SERPINE3: variants seen among roughly 807,000 people sequenced by gnomAD.
The protein encoded by SERPINE3 is serpin family E member 3, also known as serpin E3.
SERPINE3 carries 43 observed loss-of-function variants against 41.7 expected under a neutral mutation model. The observed-to-expected ratio is 1.03, with a 90% CI of 0.81 to 1.33. The LOEUF is 1.33. Among genes scored for constraint, SERPINE3 ranks in the 40% most tolerant of loss-of-function variants. The pLI is 0.00. For missense variants in SERPINE3, 440 were observed against 491.7 expected, an observed-to-expected ratio of 0.89 and a Z score of 0.99; for synonymous variants, 200 against 192.2, an observed-to-expected ratio of 1.04 and a Z score of -0.34.
chr13:51,359,374 C>T (rs1359607059), intron 7 of SERPINE3, among the ~76,000 whole-genome samples: 1 of 152,108 alleles, frequency 6.6e-6, no homozygotes, highest in African/African-American at 2.4e-5. Context: ...GAAATGTCAA[C>T]TCTTACCAGA....
intron 6 of SERPINE3, among the ~76,000 whole-genome samples, chr13:51,348,952 C>T (rs1253859913): frequency 6.8e-6 from 1 of 146,996 alleles, no homozygotes; most frequent in African/African-American, 2.6e-5. Flanking sequence ...TGGAGGTGAA[C>T]TCTCCTTTAA....
rs1031505746 is a variant in SERPINE3 at position 51,360,527 on chromosome 13, TTAA to T, written c.1001-749_1001-747del. ...CATCTTTGGAGCTGTTTAAAAATGG[TTAA>T]TGATTAGCTTACAAAAATCAGCCAA... On this transcript the variant is annotated intron_variant, in intron 7 of 9. Coordinates refer to ENST00000681248, the MANE Select transcript of SERPINE3 (RefSeq NM_001386375.1). Among the ~76,000 whole-genome samples the T allele has an allele frequency of 1.7e-3, 259 of 152,202 alleles. 2 individuals carry two copies. The highest frequency in any genetic ancestry group is 6.0e-3 in the African/African-American group (250 of 41,552).
At chr13:51,340,272 T>G (rs984939907) in intron 1 of SERPINE3, among the ~76,000 whole-genome samples, 1 of 152,156 alleles carries the variant, frequency 6.6e-6, no homozygotes, top group African/African-American at 2.4e-5. Flanking sequence ...GTTGAAAACA[T>G]TTTTTTACTT....
chr13:51,355,224 T>TCCACAGAGCCTTCAGTGGTAAACAAG, intron 7 of SERPINE3, 81 bp downstream of exon 7: 1 of 623,516 alleles, frequency 1.6e-6, no homozygotes, highest in Admixed American at 3.1e-5. Context: ...GATTCTCATT[T>TCCACAGAGCCTTCAGTGGTAAACAAG]CAGAGTCAAC....
chr13:51,354,628 T>G (rs1955452584), intron 6 of SERPINE3, among the ~76,000 whole-genome samples: 1 of 150,236 alleles, frequency 6.7e-6, no homozygotes, highest in African/African-American at 2.4e-5. Context: ...TGAATTGGGA[T>G]AGCCACTTTT....
In SERPINE3 at chr13:51,362,138, T is replaced by A. The variant is rs936757272; in HGVS notation, c.1171+245T>A. On this transcript the variant is annotated intron_variant, in intron 9 of 9. Transcript: ENST00000681248. ...TCAGCTCATATATAGTTAATGTAGATTTTTTTTTTTAATGCTATAGGTTTC... is the reference window on the plus strand; with the variant it reads ...TCAGCTCATATATAGTTAATGTAGAATTTTTTTTTTAATGCTATAGGTTTC... 1,150 of 712,454 alleles carry A rather than the reference T, an allele frequency of 1.6e-3. 3 individuals carry two copies. The highest frequency in any genetic ancestry group is 2.5e-3 in the South Asian group (61 of 24,532). 44.1% of individuals were successfully genotyped at this position (712,454 alleles called of 1,614,324 possible). A position where few individuals can be genotyped will look rare whatever the true frequency, so the allele number is the denominator to read the frequency against.
At chr13:51,345,180 A>G (rs1955333508) in intron 4 of SERPINE3, among the ~76,000 whole-genome samples, 1 of 152,150 alleles carries the variant, frequency 6.6e-6, no homozygotes. Flanking sequence ...TACTCTCCCC[A>G]TTCTATAAAT....
At chr13:51,362,916 A>C (rs1200593763) in intron 9 of SERPINE3, 1 of 152,274 alleles carries the variant, frequency 6.6e-6, no homozygotes, top group African/African-American at 2.4e-5. Context: ...TCAACAGAGT[A>C]TGTCTTCCTA....
intron 7 of SERPINE3, among the ~76,000 whole-genome samples, chr13:51,359,260 A>G (rs1955525045): frequency 1.3e-5 from 2 of 152,108 alleles, no homozygotes; most frequent in Admixed American, 6.6e-5. Context: ...TAGCTACTCA[A>G]TAAAAAATAA....
intron 6 of SERPINE3, among the ~76,000 whole-genome samples, chr13:51,351,649 A>T (rs149711585): frequency 6.6e-6 from 1 of 152,004 alleles, no homozygotes; most frequent in Non-Finnish European, 1.5e-5. Context: ...AGCTCAATTA[A>T]TCTATGTTTT....
chr13:51,361,462 C>T, intron 8 of SERPINE3, 98 bp downstream of exon 8: 1 of 804,166 alleles, frequency 1.2e-6, no homozygotes, highest in Non-Finnish European at 2.1e-6. Context: ...TTCCATAACC[C>T]CCAAGTTCAG....
intron 6 of SERPINE3, among the ~76,000 whole-genome samples, chr13:51,349,120 A>C (rs539257149): frequency 6.6e-6 from 1 of 152,366 alleles, no homozygotes; most frequent in East Asian, 1.9e-4. Context: ...ATTTGAAATC[A>C]GAGTAAATTT....
At chr13:51,344,944 G>A (rs1297666460) in intron 4 of SERPINE3, among the ~76,000 whole-genome samples, 2 of 152,128 alleles carry the variant, frequency 1.3e-5, no homozygotes, top group South Asian at 4.1e-4. Context: ...ACAATAAGAT[G>A]TTTAGCTCAG....
chr13:51,347,211 A>T lies in SERPINE3; in HGVS notation c.677A>T (p.His226Leu), dbSNP rs754241963. The T allele has an allele frequency of 3.3e-5, 53 of 1,613,724 alleles. No individual in the cohort carries two copies. Among genetic ancestry groups the T allele is most frequent in the Non-Finnish European group, 4.3e-5 (51 of 1,179,854 alleles). Residue 226 changes from histidine to leucine, a missense_variant, in exon 5 of 10, where the codon CAC becomes CTC. Physicochemically the swap from His to Leu is moderately conservative, Grantham distance 99 (BLOSUM62 -3). Coordinates refer to ENST00000681248, the MANE Select transcript of SERPINE3 (RefSeq NM_001386375.1). ...YGLVLQVPMM[H>L]QTTEVNYGQF... ...CTCGTCCTTCAGGTCCCCATGATGC[A>T]CCAAACGACCGAGGTCAACTACGGT...
rs1955648973 is a variant in SERPINE3 at position 51,364,549 on chromosome 13, G to A, written c.*267G>A. ...ACAGCAGTGATCATGAATGGTGAGT[G>A]AGTCAGGCCATAAGATTGCTTCCTC... On this transcript the variant is annotated 3_prime_UTR_variant, in exon 10 of 10. Transcript: ENST00000681248. 9.1e-6 allele frequency: 3 copies of A among 329,126 alleles called. No individual in the cohort carries two copies. Among genetic ancestry groups the A allele is most frequent in the South Asian group, 7.3e-5 (1 of 13,676 alleles). 20.4% of individuals were successfully genotyped at this position (329,126 alleles called of 1,614,324 possible).
intron 6 of SERPINE3, 140 bp downstream of exon 6, chr13:51,348,551 C>A: frequency 1.5e-6 from 1 of 658,382 alleles, no homozygotes; most frequent in Non-Finnish European, 2.6e-6. Context: ...AGAAGTTAGA[C>A]CAAGAGGAAG....
chr13:51,359,859 T>C (rs1003261681), intron 7 of SERPINE3, among the ~76,000 whole-genome samples: 1 of 152,112 alleles, frequency 6.6e-6, no homozygotes, highest in African/African-American at 2.4e-5. Flanking sequence ...TAATTATTGA[T>C]AGTGAAATTT....
chr13:51,349,649 G>A lies in SERPINE3; in HGVS notation c.899+1238G>A, dbSNP rs186865413. Among the ~76,000 whole-genome samples, 274 of 152,240 alleles carry A rather than the reference G, an allele frequency of 1.8e-3. 1 individual carries two copies. Among genetic ancestry groups the A allele is most frequent in the Non-Finnish European group, 3.1e-3 (213 of 68,018 alleles). ...GCAGTTCTTCCCTGGAAGAGACCCC[G>A]GGGAAATTCCCAGCTCCACTGAGAA... On this transcript the variant is annotated intron_variant, in intron 6 of 9. Coordinates refer to ENST00000681248, the MANE Select transcript of SERPINE3 (RefSeq NM_001386375.1).
chr13:51,347,635 G>A (rs577430523), intron 5 of SERPINE3, among the ~76,000 whole-genome samples: 2 of 152,198 alleles, frequency 1.3e-5, no homozygotes, highest in East Asian at 1.9e-4. Context: ...TCAGTTATCC[G>A]CATCAGAAAA....
Sources: allele counts gnomAD v4.1 joint callset (sites outside exome capture counted in the v4.1 genomes callset), GRCh38; gene constraint gnomAD v4.1.1; transcripts MANE v1.5; gene names NCBI Gene and HGNC (gene_info 2026-07-23, HGNC 2026-07-21).